Variants in MGAM2 observed in about 807,000 individuals in gnomAD.
The protein encoded by MGAM2 is probable maltase-glucoamylase 2.
MGAM2 carries 98 observed loss-of-function variants against 96.1 expected under a neutral mutation model. That is an observed-to-expected ratio of 1.02 (90% CI 0.87 to 1.21). The LOEUF (loss-of-function observed/expected upper bound fraction) is 1.21. Ranked by LOEUF, MGAM2 falls within the 50% of genes most tolerant of loss-of-function variation. The pLI, the probability that MGAM2 is intolerant of heterozygous loss-of-function variation, is 0.00. For synonymous variants in MGAM2, 749 were observed against 414.8 expected (o/e 1.81, Z -9.79); for missense variants, 2,055 against 1,182.4 (o/e 1.74, Z -10.82).
At chr7:142,200,945 A>G (rs1406887343) in intron 45 of MGAM2, among the ~76,000 whole-genome samples, 2 of 149,820 alleles carry the variant, frequency 1.3e-5, no homozygotes, top group African/African-American at 2.5e-5. Context: ...TAACATAATG[A>G]CAGAAACATG....
intron 2 of MGAM2, among the ~76,000 whole-genome samples, chr7:142,118,573 T>C (rs1260761064): frequency 6.6e-6 from 1 of 152,190 alleles, no homozygotes; most frequent in African/African-American, 2.4e-5. Flanking sequence ...TCTGCTGTTG[T>C]CATGGGGAGA....
Position 142,131,044 on chromosome 7 carries a change from A to G in MGAM2, c.283A>G (p.Ser95Gly). 3 of 702,684 alleles carry G rather than the reference A, an allele frequency of 4.3e-6. No homozygotes were observed. The highest frequency in any genetic ancestry group is 7.8e-6 in the Non-Finnish European group (3 of 385,014). The allele number at this position is 702,684 out of a possible 1,614,324, so 43.5% of individuals were successfully genotyped here. Residue 95 changes from serine (S) to glycine (G), a missense_variant, in exon 4 of 48, where the codon AGC becomes GGC. Physicochemically the swap from Ser to Gly is moderately conservative, Grantham distance 56. Transcript: ENST00000477922. Reference sequence around the variant, plus strand: ...CCCCTGGAACTGGGGCTATGAAGCCAGCAATGGCCATACAAATACAAGCAC... The same window carrying G: ...CCCCTGGAACTGGGGCTATGAAGCCGGCAATGGCCATACAAATACAAGCAC... ...FFPWNWGYEA[S>G]NGHTNTSTGF...
chr7:142,123,963 C>CCT (rs1794659812), intron 3 of MGAM2, among the ~76,000 whole-genome samples: 48 of 98,096 alleles, frequency 4.9e-4, no homozygotes, highest in African/African-American at 2.5e-3. Flanking sequence ...AGTCCAGAAA[C>CCT]TTTTTTTTTT....
intron 31 of MGAM2, 120 bp from the exon 32 acceptor site, chr7:142,175,532 T>G (rs1796346454): frequency 1.6e-6 from 1 of 612,482 alleles, no homozygotes; most frequent in African/African-American, 1.9e-5. Context: ...AGATGAGGAA[T>G]GAAGAGGGGC....
chr7:142,138,436 T>A (rs531796509), intron 9 of MGAM2, 106 bp from the exon 10 acceptor site: 1 of 600,546 alleles, frequency 1.7e-6, no homozygotes, highest in South Asian at 2.0e-5. Context: ...CAAATTATTC[T>A]AGCAGATTAC....
At chr7:142,117,072 C>A in intron 2 of MGAM2, 93 bp downstream of exon 2, 1 of 688,994 alleles carries the variant, frequency 1.5e-6, no homozygotes, top group South Asian at 1.5e-5. Flanking sequence ...TTTCAATATG[C>A]CACTACATTG....
At chr7:142,177,875 G>T (rs146091470) in intron 32 of MGAM2, among the ~76,000 whole-genome samples, 1 of 152,162 alleles carries the variant, frequency 6.6e-6, no homozygotes, top group Non-Finnish European at 1.5e-5. Context: ...TTTCCTTAGG[G>T]TATATACCCA....
At position 142,154,003 on chromosome 7, in the gene MGAM2, T is replaced by A. The variant is rs1423573348; in HGVS notation, c.1635-15T>A. 1 of 637,520 alleles carries A rather than the reference T, an allele frequency of 1.6e-6. No homozygotes were observed. Among genetic ancestry groups the A allele is most frequent in the Non-Finnish European group, 2.9e-6 (1 of 341,200 alleles). The allele number at this position is 637,520 out of a possible 1,614,324, so 39.5% of individuals were successfully genotyped here. On this transcript the variant is annotated splice_polypyrimidine_tract_variant and intron_variant, in intron 15 of 47. Transcript: ENST00000477922. ...ACAGCCCACCTCACACTCCACTGGATGTATTCCTTTCCAGAGCCCTGGAGA... is the reference window on the plus strand; with the variant it reads ...ACAGCCCACCTCACACTCCACTGGAAGTATTCCTTTCCAGAGCCCTGGAGA...
chr7:142,114,457 A>T (rs10246387), intron 1 of MGAM2, among the ~76,000 whole-genome samples: 59,216 of 151,600 alleles, frequency 0.39, 11,859 homozygotes, highest in South Asian at 0.47. Flanking sequence ...GAGGAAGGGA[A>T]TACAGAAAGT....
chr7:142,205,533 TTTGA>T (rs1797378918), intron 45 of MGAM2, among the ~76,000 whole-genome samples: 1 of 152,122 alleles, frequency 6.6e-6, no homozygotes. Context: ...TTTTTGTGGT[TTTGA>T]TTAATTTATA....
Position 142,220,069 on chromosome 7 carries a change from G to A in MGAM2, c.5558G>A (p.Gly1853Asp). The A allele has an allele frequency of 1.4e-6, 1 of 702,844 alleles. No homozygotes were observed. Among genetic ancestry groups the A allele is most frequent in the Non-Finnish European group, 2.6e-6 (1 of 384,916 alleles). 43.5% of individuals were successfully genotyped at this position (702,844 alleles called of 1,614,324 possible). The change falls in exon 48 of 48, where the codon GGC becomes GAC. Residue 1853 changes from glycine to aspartate, a missense_variant. By Grantham distance (94) the Gly-to-Asp change is moderately conservative (BLOSUM62 -1). Transcript: ENST00000477922. ...TSSASANTTT[G>D]TTDTVPITTT... ...TCTGCCAGTGCAAATACTACCACTG[G>A]CACTACTGATACTGTTCCTATCACA...
intron 31 of MGAM2, 84 bp from the exon 32 acceptor site, chr7:142,175,568 G>T (rs911288490): frequency 1.5e-6 from 1 of 658,274 alleles, no homozygotes; most frequent in South Asian, 1.7e-5. Context: ...CAGGCAGCAG[G>T]ACCAGGGGCC....
At chr7:142,194,036 C>CTTTT (rs537760392) in intron 37 of MGAM2, among the ~76,000 whole-genome samples, 1 of 145,296 alleles carries the variant, frequency 6.9e-6, no homozygotes, top group African/African-American at 2.5e-5. Flanking sequence ...CTTTCTTCTT[C>CTTTT]TTTTTTTTTT....
intron 31 of MGAM2, 93 bp downstream of exon 31, chr7:142,173,447 T>A (rs1489221407): frequency 4.7e-6 from 3 of 639,714 alleles, no homozygotes; most frequent in Non-Finnish European, 8.6e-6. Context: ...TTATCAAAGA[T>A]AACTTGATAC....
chr7:142,180,764 A>C (rs945825055), intron 32 of MGAM2, among the ~76,000 whole-genome samples: 1 of 151,812 alleles, frequency 6.6e-6, no homozygotes, highest in Non-Finnish European at 1.5e-5. Context: ...TTTTTTTCTG[A>C]CTGGGTTGTT....
rs967292088 is a variant in MGAM2 at position 142,147,569 on chromosome 7, A to G, written c.1630A>G (p.Asn544Asp). The G allele has an allele frequency of 4.3e-6, 3 of 702,224 alleles. No individual in the cohort carries two copies. The highest frequency in any genetic ancestry group is 7.8e-6 in the Non-Finnish European group (3 of 384,718). The allele number at this position is 702,224 out of a possible 1,614,324, so 43.5% of individuals were successfully genotyped here. A position where few individuals can be genotyped will look rare whatever the true frequency, so the allele number is the denominator to read the frequency against. ...TGGCCACTCCATGGCAAGAACCACA[A>G]ACTTGTAAGGACTTGGTTTTCACCC... is the stretch of plus-strand genomic sequence containing the variant. Reference protein sequence around the residue: ...LYGHSMARTTNLALETIFMNN... With the variant: ...LYGHSMARTTDLALETIFMNN... The change falls in exon 15 of 48, where the codon AAC becomes GAC. Residue 544 changes from asparagine to aspartate, a missense_variant. Physicochemically the swap from Asn to Asp is conservative, Grantham distance 23. Coordinates refer to ENST00000477922, the MANE Select transcript of MGAM2 (RefSeq NM_001293626.2).
At chr7:142,133,015 ATTTATAT>A (rs1435985842) in intron 6 of MGAM2, among the ~76,000 whole-genome samples, 2 of 131,872 alleles carry the variant, frequency 1.5e-5, no homozygotes, top group Non-Finnish European at 3.1e-5. Flanking sequence ...TTTATATTTA[ATTTATAT>A]TTTCATTTAA....
intron 36 of MGAM2, 91 bp from the exon 37 acceptor site, chr7:142,189,276 T>C: frequency 1.8e-6 from 1 of 560,466 alleles, no homozygotes; most frequent in Non-Finnish European, 3.2e-6. Context: ...ACAAAGTTGT[T>C]GATTGAAGTA....
chr7:142,211,493 A>G (rs963795124), intron 46 of MGAM2, among the ~76,000 whole-genome samples: 1 of 152,234 alleles, frequency 6.6e-6, no homozygotes, highest in Non-Finnish European at 1.5e-5. Context: ...TAGAGAGAAC[A>G]TAAATGACCT....
Sources: gnomAD v4.1 joint callset for allele counts (sites outside exome capture counted in the v4.1 genomes callset) on GRCh38, gnomAD v4.1.1 for gene constraint, MANE v1.5 for transcripts, NCBI Gene and HGNC (gene_info 2026-07-23, HGNC 2026-07-21) for gene names.